The following HERC1 variants were observed in gnomAD, a reference collection of about 807,000 sequenced individuals.
HERC1 encodes the protein probable E3 ubiquitin-protein ligase HERC1.
In HERC1, 160 loss-of-function variants were observed where a neutral mutation model predicts 554.3. The observed-to-expected ratio is 0.29, with a 90% CI of 0.25 to 0.33. The LOEUF (loss-of-function observed/expected upper bound fraction) is 0.33, where lower values mean the gene tolerates loss of function less well. Among genes scored for constraint, HERC1 ranks in the 10% least tolerant of loss-of-function variants. The probability of loss-of-function intolerance (pLI) is 1.00; values close to 1 mark genes in which losing one functional copy is unlikely to be tolerated. For missense variants in HERC1, 4,919 were observed against 5,918.5 expected (o/e 0.83, Z 5.54); for synonymous variants, 2,175 against 2,131.7 (o/e 1.02, Z -0.56).
chr15:63,616,343 A>G (rs1313241725), intron 75 of HERC1, 87 bp downstream of exon 75: 43 of 1,364,272 alleles, frequency 3.2e-5, no homozygotes, highest in Non-Finnish European at 4.2e-5. Context: ...CAAGTGGAAG[A>G]CTGTATCTCA....
chr15:63,692,268 T>G lies in HERC1; in HGVS notation c.5830+143A>C. The G allele has an allele frequency of 1.8e-6, 1 of 567,664 alleles. No individual in the cohort carries two copies. Among genetic ancestry groups the G allele is most frequent in the Non-Finnish European group, 2.9e-6 (1 of 347,738 alleles). 35.2% of individuals were successfully genotyped at this position (567,664 alleles called of 1,614,324 possible). A position where few individuals can be genotyped will look rare whatever the true frequency, so the allele number is the denominator to read the frequency against. Reference sequence around the variant, plus strand: ...TACTTCTGAAATTAGAGTTTTCTTTTGATCAAATAGGTACGCAGAAAATAA... The same window carrying G: ...TACTTCTGAAATTAGAGTTTTCTTTGGATCAAATAGGTACGCAGAAAATAA... On this transcript the variant is annotated intron_variant, in intron 31 of 77. Transcript: ENST00000443617. This position sits in a 1 kb window ranked among gnomAD's most constrained non-coding sequence, Gnocchi z 4.7.
intron 50 of HERC1, among the ~76,000 whole-genome samples, chr15:63,654,801 G>A (rs918469864): frequency 6.6e-6 from 1 of 151,770 alleles, no homozygotes; most frequent in African/African-American, 2.4e-5. Flanking sequence ...GCTGGGAGAC[G>A]GAGGTTGCGG....
chr15:63,802,806 G>A (rs2077033617), intron 1 of HERC1, among the ~76,000 whole-genome samples: 1 of 152,226 alleles, frequency 6.6e-6, no homozygotes, highest in South Asian at 2.1e-4. Flanking sequence ...ATCAAATTCT[G>A]AAGCTTTTAG....
chr15:63,717,250 G>C (rs921040829), intron 21 of HERC1, among the ~76,000 whole-genome samples: 6 of 152,134 alleles, frequency 3.9e-5, no homozygotes, highest in African/African-American at 1.4e-4. Context: ...TCAAATATGA[G>C]CCTCAACAAA....
chr15:63,641,764 T>C, intron 59 of HERC1, 121 bp from the exon 60 acceptor site: 1 of 778,906 alleles, frequency 1.3e-6, no homozygotes, highest in Non-Finnish European at 1.9e-6. Flanking sequence ...GGATATTTTA[T>C]ATCCAAAAAG....
intron 33 of HERC1, 110 bp downstream of exon 33, chr15:63,689,479 A>T (rs1373642422): frequency 3.3e-6 from 2 of 602,534 alleles, no homozygotes; most frequent in Non-Finnish European, 2.9e-6. Flanking sequence ...CAAGAGAGGA[A>T]ATGGAATAAA....
chr15:63,717,693 A>C (rs1373087411), intron 21 of HERC1, among the ~76,000 whole-genome samples: 1 of 152,156 alleles, frequency 6.6e-6, no homozygotes, highest in Admixed American at 6.5e-5. Context: ...CAACACGGTG[A>C]AACCCCATGT....
intron 17 of HERC1, 85 bp from the exon 18 acceptor site, chr15:63,725,598 A>G: frequency 9.7e-7 from 1 of 1,029,852 alleles, no homozygotes; most frequent in South Asian, 1.5e-5. Context: ...ACCGTACTGC[A>G]ATAAGATACT....
In HERC1 at chr15:63,775,232, T is replaced by C; in HGVS notation, c.392A>G (p.Gln131Arg). ...ACCAGAACTGCTCTCCGGAGAATGC[T>C]GCTGCTGCTTCACCTTGCCTTTGTC... ...YHDKGKVKQQ[Q>R]HSPESSSGSA... is the part of the protein sequence containing the mutation. Residue 131 changes from glutamine (Q) to arginine (R), a missense_variant, in exon 2 of 78, where the codon CAG becomes CGG. Gln to Arg is a conservative substitution (Grantham distance 43, BLOSUM62 1). Transcript: ENST00000443617. The surrounding 1 kb of genome is among the most constrained non-coding windows in gnomAD (Gnocchi z 4.0). 1 of 1,614,068 alleles carries C rather than the reference T, an allele frequency of 6.2e-7. No individual in the cohort carries two copies. The highest frequency in any genetic ancestry group is 8.5e-7 in the Non-Finnish European group (1 of 1,179,898).
chr15:63,690,575 C>T lies in HERC1; in HGVS notation c.5903G>A (p.Cys1968Tyr), dbSNP rs2072050222. 1 of 1,613,030 alleles carries T rather than the reference C, an allele frequency of 6.2e-7. No homozygotes were observed. Among genetic ancestry groups the T allele is most frequent in the Non-Finnish European group, 8.5e-7 (1 of 1,179,192 alleles). Reference protein sequence around the residue: ...LHVLEAVLPACESGVEDDQMA... With the variant: ...LHVLEAVLPAYESGVEDDQMA... The stretch of plus-strand genomic sequence containing the variant: ...TTGATCATCTTCTACACCAGATTCA[C>T]AAGCTGGCAGCACAGCTTCAAGGAC... Residue 1968 changes from cysteine (C) to tyrosine (Y), a missense_variant, in exon 32 of 78, where the codon TGT becomes TAT. Cys to Tyr is a radical substitution (Grantham distance 194). This residue lies in a region of HERC1 where 1,121 missense variants were observed against 1,244.0 expected (regional missense o/e 0.90). Coordinates refer to ENST00000443617, the MANE Select transcript of HERC1 (RefSeq NM_003922.4).
In HERC1 at chr15:63,749,470, T is replaced by C. The variant is rs760868686; in HGVS notation, c.2116A>G (p.Ile706Val). ...CCACTCACTTTCTTTGGTTTAGTAA[T>C]AGGACCTGTGGAATTTCCCTGACCA... ...QCGQGNSTGP[I>V]TKPKKVSGLD... Residue 706 changes from isoleucine to valine, a missense_variant, in exon 10 of 78, where the codon ATT becomes GTT. Physicochemically the swap from Ile to Val is conservative, Grantham distance 29. Coordinates refer to ENST00000443617, the MANE Select transcript of HERC1 (RefSeq NM_003922.4). This position sits in a 1 kb window ranked among gnomAD's most constrained non-coding sequence, Gnocchi z 4.1. The C allele has an allele frequency of 2.2e-5, 36 of 1,613,712 alleles. No individual in the cohort carries two copies. The highest frequency in any genetic ancestry group is 2.7e-5 in the Non-Finnish European group (32 of 1,179,766).
intron 71 of HERC1, among the ~76,000 whole-genome samples, chr15:63,624,986 T>C (rs902232538): frequency 3.9e-5 from 6 of 152,240 alleles, no homozygotes; most frequent in Non-Finnish European, 8.8e-5. Context: ...TTAATATCAT[T>C]CTGAGCTGCC....
At position 63,645,515 on chromosome 15, in the gene HERC1, C is replaced by T; in HGVS notation, c.11046G>A (p.Gly3682=). The T allele has an allele frequency of 6.8e-6, 11 of 1,611,466 alleles. No individual in the cohort carries two copies. Among genetic ancestry groups the T allele is most frequent in the Non-Finnish European group, 9.3e-6 (11 of 1,178,930 alleles). ...VNGIAWCRLP[G]KGSKLQLLMA... Reference sequence around the variant, plus strand: ...TCAGTAACTGCAACTTGGATCCTTTCCCTGGAAGGCGGCACCAAGCAATGC... The same window carrying T: ...TCAGTAACTGCAACTTGGATCCTTTTCCTGGAAGGCGGCACCAAGCAATGC... Residue 3682 remains glycine (G), a synonymous_variant, in exon 56 of 78, where the codon GGG becomes GGA. Transcript: ENST00000443617.
At chr15:63,810,239 T>C (rs1164102553) in intron 1 of HERC1, among the ~76,000 whole-genome samples, 2 of 152,170 alleles carry the variant, frequency 1.3e-5, no homozygotes, top group Non-Finnish European at 2.9e-5. Context: ...GGAGCATTAT[T>C]CATAATAATC....
At chr15:63,655,666 A>G (rs1262488846) in intron 50 of HERC1, 76 bp downstream of exon 50, 2 of 1,023,022 alleles carry the variant, frequency 2.0e-6, no homozygotes, top group Admixed American at 2.6e-5. Context: ...TTTATCATAT[A>G]CTAACAATGT....
rs1400390460 is a variant in HERC1 at position 63,612,199 on chromosome 15, C to T, written c.14400+52G>A. 2 of 1,471,052 alleles carry T rather than the reference C, an allele frequency of 1.4e-6. No homozygotes were observed. The highest frequency in any genetic ancestry group is 1.4e-5 in the African/African-American group (1 of 71,496). The allele number at this position is 1,471,052 out of a possible 1,614,324, so 91.1% of individuals were successfully genotyped here. A position where few individuals can be genotyped will look rare whatever the true frequency, so the allele number is the denominator to read the frequency against. ...TGAGACCCTGTCTCAACAAAAACAA[C>T]AATGAAGCAATAAGGCAGACATTAC... On this transcript the variant is annotated intron_variant, in intron 77 of 77. Transcript: ENST00000443617. The surrounding 1 kb of genome is among the most constrained non-coding windows in gnomAD (Gnocchi z 5.0).
In HERC1 at chr15:63,656,998, T is replaced by C. The variant is rs11852578; in HGVS notation, c.9600-640A>G. Among the ~76,000 whole-genome samples the C allele has an allele frequency of 4.2e-3, 646 of 152,238 alleles. 8 individuals carry two copies. Among genetic ancestry groups the C allele is most frequent in the African/African-American group, 0.015 (613 of 41,530 alleles). Reference sequence around the variant, plus strand: ...TTATGAATAGTACTACCATGAATGATTGGTCTTTAGGGGGCACATATTTAA... The same window carrying C: ...TTATGAATAGTACTACCATGAATGACTGGTCTTTAGGGGGCACATATTTAA... On this transcript the variant is annotated intron_variant, in intron 48 of 77. Transcript: ENST00000443617.
chr15:63,722,145 C>T (rs1387240655), intron 19 of HERC1, among the ~76,000 whole-genome samples: 3 of 152,158 alleles, frequency 2.0e-5, no homozygotes, highest in Non-Finnish European at 2.9e-5. Context: ...AGATTACAGG[C>T]GTGAGCCACT....
chr15:63,734,586 G>A lies in HERC1; in HGVS notation c.2646+138C>T. 1.7e-6 allele frequency: 1 copy of A among 601,252 alleles called. No homozygotes were observed. The highest frequency in any genetic ancestry group is 2.7e-6 in the Non-Finnish European group (1 of 373,534). 37.2% of individuals were successfully genotyped at this position (601,252 alleles called of 1,614,324 possible). On this transcript the variant is annotated intron_variant, in intron 13 of 77. Coordinates refer to ENST00000443617, the MANE Select transcript of HERC1 (RefSeq NM_003922.4). This position sits in a 1 kb window ranked among gnomAD's most constrained non-coding sequence, Gnocchi z 4.6. The stretch of plus-strand genomic sequence containing the variant: ...CACCTAAGGTTGTTAAGACAACTGG[G>A]AATTCTTCCAGCACAACACATTAAC...
Sources: gnomAD v4.1 joint callset for allele counts (sites outside exome capture counted in the v4.1 genomes callset) on GRCh38, gnomAD v4.1.1 for gene constraint, gnomAD v4.1.1 regional missense constraint, Gnocchi (gnomAD v3.1) non-coding constraint, MANE v1.5 for transcripts, NCBI Gene and HGNC (gene_info 2026-07-23, HGNC 2026-07-21) for gene names.